The following HELQ variants were observed in gnomAD, a reference collection of about 807,000 sequenced individuals.
HELQ encodes the protein helicase, POLQ like, also known as helicase POLQ-like.
A neutral mutation model predicts 111.6 loss-of-function variants in HELQ; 77 were observed. The observed-to-expected ratio is 0.69, with a 90% CI of 0.57 to 0.83. HELQ has a LOEUF of 0.83. Among genes scored for constraint, HELQ ranks in the 40% least tolerant of loss-of-function variants. HELQ has a pLI of 0.00. For missense variants in HELQ, 1,200 were observed against 1,288.5 expected, an observed-to-expected ratio of 0.93 and a Z score of 1.05; for synonymous variants, 438 against 454.7, an observed-to-expected ratio of 0.96 and a Z score of 0.47.
intron 9 of HELQ, among the ~76,000 whole-genome samples, chr4:83,435,037 A>T (rs1415399621): frequency 6.6e-6 from 1 of 152,220 alleles, no homozygotes; most frequent in African/African-American, 2.4e-5. Context: ...GGGATTGTAA[A>T]ATCAAACTTC....
intron 9 of HELQ, 136 bp from the exon 10 acceptor site, chr4:83,432,403 A>G (rs903318836): frequency 1.2e-5 from 6 of 508,620 alleles, no homozygotes; most frequent in African/African-American, 9.9e-5. Context: ...GTTTACCAAG[A>G]ATCTATGATT....
rs1428543906 is a variant in HELQ, at chr4:83,429,765, T to C, written c.2296-19A>G. 6.6e-7 allele frequency: 1 copy of C among 1,526,480 alleles called. No individual in the cohort carries two copies. The highest frequency in any genetic ancestry group is 9.0e-7 in the Non-Finnish European group (1 of 1,107,906). 94.6% of individuals were successfully genotyped at this position (1,526,480 alleles called of 1,614,324 possible). On this transcript the variant is annotated intron_variant, in intron 11 of 17. Coordinates refer to ENST00000295488, the MANE Select transcript of HELQ (RefSeq NM_133636.5). ...TTGCAATCTGAAACAATTCAGGATA[T>C]CATTGGAGCATTTTCCTTAATTCAA...
At chr4:83,451,050 C>T (rs6858218) in intron 2 of HELQ, among the ~76,000 whole-genome samples, 90,478 of 152,050 alleles carry the variant, frequency 0.6, 28,233 homozygotes, top group African/African-American at 0.78. Flanking sequence ...TGAGAACCAC[C>T]GCTTTAGCTT....
At chr4:83,439,372 T>C (rs1057101257) in intron 8 of HELQ, among the ~76,000 whole-genome samples, 1 of 130,476 alleles carries the variant, frequency 7.7e-6, no homozygotes, top group Non-Finnish European at 1.7e-5. Flanking sequence ...GTCTTCTTTT[T>C]TTTTTTTGAT....
At chr4:83,448,362 A>T (rs1320863392) in intron 3 of HELQ, among the ~76,000 whole-genome samples, 2 of 152,176 alleles carry the variant, frequency 1.3e-5, no homozygotes, top group Non-Finnish European at 2.9e-5. Context: ...AAAAATATTA[A>T]TTCTCCATCA....
intron 9 of HELQ, among the ~76,000 whole-genome samples, chr4:83,434,477 T>A (rs1720340092): frequency 6.6e-6 from 1 of 152,088 alleles, no homozygotes; most frequent in Non-Finnish European, 1.5e-5. Context: ...ACTCATTTTT[T>A]TTTTTGAGAC....
chr4:83,446,314 ATT>A (rs35146359), intron 4 of HELQ, among the ~76,000 whole-genome samples: 7 of 151,274 alleles, frequency 4.6e-5, no homozygotes, highest in Non-Finnish European at 7.4e-5. Flanking sequence ...TACTAAAAAA[ATT>A]TTTTTTTTAA....
At chr4:83,431,061 C>T (rs972760119) in intron 11 of HELQ, among the ~76,000 whole-genome samples, 6 of 152,132 alleles carry the variant, frequency 3.9e-5, no homozygotes, top group East Asian at 1.9e-4. Flanking sequence ...AGTTCACCCA[C>T]GCTCAGTTCC....
intron 12 of HELQ, among the ~76,000 whole-genome samples, chr4:83,428,278 T>C (rs899476994): frequency 1.3e-5 from 2 of 151,488 alleles, no homozygotes; most frequent in African/African-American, 4.8e-5. Context: ...GACAGGAATA[T>C]GGCACTTTCC....
chr4:83,455,296 C>T, intron 1 of HELQ, 101 bp downstream of exon 1: 2 of 1,537,294 alleles, frequency 1.3e-6, no homozygotes, highest in Non-Finnish European at 1.8e-6. Context: ...ACAGTGGTAA[C>T]GAAGACGAGA....
intron 13 of HELQ, among the ~76,000 whole-genome samples, chr4:83,427,051 A>G (rs749255961): frequency 5.3e-5 from 8 of 152,186 alleles, no homozygotes; most frequent in Non-Finnish European, 1.0e-4. Context: ...CCGAGCTTTC[A>G]TGTAATTAAA....
intron 12 of HELQ, 44 bp from the exon 13 acceptor site, chr4:83,427,764 G>A (rs375655636): frequency 3.1e-4 from 417 of 1,348,202 alleles, no homozygotes; most frequent in African/African-American, 3.1e-3. Context: ...AATTACCAGA[G>A]GGGCAAAGAG....
intron 13 of HELQ, among the ~76,000 whole-genome samples, chr4:83,426,850 G>A (rs756810465): frequency 6.6e-6 from 1 of 152,200 alleles, no homozygotes; most frequent in South Asian, 2.1e-4. Context: ...ACAGGCATGA[G>A]CCACCACATG....
chr4:83,411,017 G>C (rs946532650), intron 17 of HELQ, among the ~76,000 whole-genome samples: 5 of 151,464 alleles, frequency 3.3e-5, no homozygotes, highest in South Asian at 2.1e-4. Flanking sequence ...TAAATTAGCT[G>C]GGTGTGGTGG....
chr4:83,450,156 G>A (rs1721272837), intron 2 of HELQ, among the ~76,000 whole-genome samples: 1 of 133,690 alleles, frequency 7.5e-6, no homozygotes, highest in Non-Finnish European at 1.6e-5. Context: ...ATCAACCAAT[G>A]AGATTCTTTG....
chr4:83,428,594 C>T (rs1187785540), intron 12 of HELQ, among the ~76,000 whole-genome samples: 1 of 151,926 alleles, frequency 6.6e-6, no homozygotes, highest in Non-Finnish European at 1.5e-5. Flanking sequence ...CCAAAACAAC[C>T]CCCACAACAC....
At chr4:83,436,211 G>T (rs2109994082) in intron 9 of HELQ, among the ~76,000 whole-genome samples, 1 of 152,130 alleles carries the variant, frequency 6.6e-6, no homozygotes, top group Middle Eastern at 3.4e-3. Flanking sequence ...ATAGACCAAG[G>T]AATCAAATAT....
rs1221079267 is a variant in HELQ at position 83,407,363 on chromosome 4, T to C, written c.*90A>G. ...CGTAGTTCTTAATGTATAACTGAAATGTATTTTTTCATTTATAAAGTATAA... is the reference window on the plus strand; with the variant it reads ...CGTAGTTCTTAATGTATAACTGAAACGTATTTTTTCATTTATAAAGTATAA... On this transcript the variant is annotated 3_prime_UTR_variant, in exon 18 of 18. Transcript: ENST00000295488. 2 of 751,770 alleles carry C rather than the reference T, an allele frequency of 2.7e-6. No individual in the cohort carries two copies. The highest frequency in any genetic ancestry group is 3.3e-5 in the Admixed American group (1 of 30,346). The allele number at this position is 751,770 out of a possible 1,614,324, so 46.6% of individuals were successfully genotyped here.
Position 83,455,411 on chromosome 4 carries a change from C to A in HELQ, c.283G>T (p.Gly95Trp). The A allele has an allele frequency of 6.2e-7, 1 of 1,612,886 alleles. No homozygotes were observed. Among genetic ancestry groups the A allele is most frequent in the Non-Finnish European group, 8.5e-7 (1 of 1,178,902 alleles). ...GTCCTCCGTACCTGGTCTCCCACCCCTCTGTCAGTGGGCATGTGACGTAGG... is the reference window on the plus strand; with the variant it reads ...GTCCTCCGTACCTGGTCTCCCACCCATCTGTCAGTGGGCATGTGACGTAGG... ...DLLRHMPTDR[G>W]VGDQPNDSEV... Residue 95 changes from glycine to tryptophan, a missense_variant, in exon 1 of 18, where the codon GGG (glycine) becomes TGG (tryptophan). By Grantham distance (184) the Gly-to-Trp change is radical. Coordinates refer to ENST00000295488, the MANE Select transcript of HELQ (RefSeq NM_133636.5).
Sources: allele counts gnomAD v4.1 joint callset (sites outside exome capture counted in the v4.1 genomes callset), GRCh38; gene constraint gnomAD v4.1.1; transcripts MANE v1.5; gene names NCBI Gene and HGNC (gene_info 2026-07-23, HGNC 2026-07-21).